OPCML: variants seen among roughly 807,000 people sequenced by gnomAD.
OPCML encodes opioid-binding protein/cell adhesion molecule.
In OPCML, 13 loss-of-function variants were observed where a neutral mutation model predicts 37.8. That is an observed-to-expected ratio of 0.34 (90% CI 0.22 to 0.55). OPCML has a LOEUF of 0.55. Ranked by LOEUF, OPCML falls within the 20% of genes least tolerant of loss-of-function variation. The pLI, the probability that OPCML is intolerant of heterozygous loss-of-function variation, is 0.91. For synonymous variants in OPCML, 176 were observed against 168.8 expected, an observed-to-expected ratio of 1.04 and a Z score of -0.33; for missense variants, 341 against 435.6, an observed-to-expected ratio of 0.78 and a Z score of 1.93.
chr11:133,105,785 A>C (rs1949147149), intron 1 of OPCML, among the ~76,000 whole-genome samples: 1 of 152,142 alleles, frequency 6.6e-6, no homozygotes, highest in African/African-American at 2.4e-5. Flanking sequence ...GTTTGAGAAA[A>C]GGCTGACCAA....
intron 1 of OPCML, among the ~76,000 whole-genome samples, chr11:133,334,794 A>T (rs1048468050): frequency 7.9e-5 from 12 of 152,144 alleles, no homozygotes; most frequent in African/African-American, 2.7e-4. Context: ...TTTGGTGAGG[A>T]TTAACTTGCA....
At chr11:133,074,328 C>G (rs1316642324) in intron 1 of OPCML, among the ~76,000 whole-genome samples, 1 of 152,200 alleles carries the variant, frequency 6.6e-6, no homozygotes. Flanking sequence ...TTCTAAAGTC[C>G]TTCCCAAGTA....
intron 4 of OPCML, among the ~76,000 whole-genome samples, chr11:132,524,523 A>C (rs934323444): frequency 1.3e-5 from 2 of 152,218 alleles, no homozygotes; most frequent in Admixed American, 6.5e-5. Context: ...TTTTGTATCT[A>C]AAGATCAAGA....
chr11:132,840,825 T>C (rs1372968468), intron 2 of OPCML, among the ~76,000 whole-genome samples: 1 of 150,698 alleles, frequency 6.6e-6, no homozygotes, highest in East Asian at 2.0e-4. Context: ...GTTAGAAAAA[T>C]GTTGATGAGG....
chr11:133,042,432 C>T (rs960233286), intron 1 of OPCML, among the ~76,000 whole-genome samples: 4 of 152,218 alleles, frequency 2.6e-5, no homozygotes, highest in African/African-American at 9.6e-5. Flanking sequence ...CGCATCATGA[C>T]CACCACCTTA....
At chr11:133,099,711 G>C (rs1416461874) in intron 1 of OPCML, among the ~76,000 whole-genome samples, 1 of 152,068 alleles carries the variant, frequency 6.6e-6, no homozygotes, top group Non-Finnish European at 1.5e-5. Flanking sequence ...ATGCATGTCT[G>C]TCTTCTTTTG....
At chr11:132,745,678 T>C (rs1945607403) in intron 2 of OPCML, among the ~76,000 whole-genome samples, 1 of 152,126 alleles carries the variant, frequency 6.6e-6, no homozygotes, top group Non-Finnish European at 1.5e-5. Context: ...ACCACTTCCC[T>C]GGCTCTTGGA....
chr11:132,915,816 T>G (rs1944584764), intron 2 of OPCML, among the ~76,000 whole-genome samples: 2 of 152,224 alleles, frequency 1.3e-5, no homozygotes, highest in African/African-American at 4.8e-5. Context: ...TTGAGTAATT[T>G]ATCTTTTTTT....
chr11:132,646,467 G>A (rs950425302), intron 3 of OPCML, among the ~76,000 whole-genome samples: 1 of 152,150 alleles, frequency 6.6e-6, no homozygotes, highest in African/African-American at 2.4e-5. Flanking sequence ...GACATGATCA[G>A]TATCTGCATC....
intron 1 of OPCML, among the ~76,000 whole-genome samples, chr11:133,458,607 GTATA>G (rs1946768854): frequency 1.4e-5 from 1 of 69,926 alleles, no homozygotes; most frequent in Non-Finnish European, 2.4e-5. Flanking sequence ...GTGTGTGTGT[GTATA>G]CACATATATA....
intron 4 of OPCML, among the ~76,000 whole-genome samples, chr11:132,466,931 A>C (rs2096121867): frequency 6.6e-6 from 1 of 152,206 alleles, no homozygotes. Context: ...TTGAAAAAAG[A>C]AGGAAAGAAA....
At chr11:132,809,950 C>A (rs970062861) in intron 2 of OPCML, among the ~76,000 whole-genome samples, 1 of 152,096 alleles carries the variant, frequency 6.6e-6, no homozygotes, top group African/African-American at 2.4e-5. Context: ...CCCGGGTTCA[C>A]GCCATTCTCC....
At chr11:132,480,577 CA>C (rs1462496821) in intron 4 of OPCML, among the ~76,000 whole-genome samples, 3 of 152,150 alleles carry the variant, frequency 2.0e-5, no homozygotes, top group African/African-American at 7.2e-5. Context: ...TCAGATTCAC[CA>C]AAGTTGAAAT....
chr11:133,140,218 A>ATAATAG (rs1237980283), intron 1 of OPCML, among the ~76,000 whole-genome samples: 18 of 144,246 alleles, frequency 1.2e-4, no homozygotes, highest in African/African-American at 4.6e-4. Context: ...AATAATAATA[A>ATAATAG]TAATACTGAT....
At chr11:133,318,200 G>A (rs561098417) in intron 1 of OPCML, among the ~76,000 whole-genome samples, 1 of 152,256 alleles carries the variant, frequency 6.6e-6, no homozygotes, top group African/African-American at 2.4e-5. Flanking sequence ...CACACGTCTG[G>A]GTTAGCAAAG....
chr11:132,505,583 G>A (rs542085192), intron 4 of OPCML, among the ~76,000 whole-genome samples: 3 of 152,156 alleles, frequency 2.0e-5, no homozygotes, highest in Non-Finnish European at 4.4e-5. Context: ...GAACGAAAAC[G>A]TCCAATTAGT....
intron 1 of OPCML, among the ~76,000 whole-genome samples, chr11:133,502,485 T>C (rs972389457): frequency 7.2e-5 from 11 of 152,330 alleles, no homozygotes; most frequent in Non-Finnish European, 1.6e-4. Context: ...GCTGAGGTCA[T>C]GACCAGAGCT....
chr11:133,071,801 C>T (rs879344866), intron 1 of OPCML, among the ~76,000 whole-genome samples: 2 of 152,194 alleles, frequency 1.3e-5, no homozygotes, highest in Non-Finnish European at 2.9e-5. Flanking sequence ...TACAAACATT[C>T]ATTCCAAATT....
At chr11:133,336,894 G>T (rs1252197346) in intron 1 of OPCML, among the ~76,000 whole-genome samples, 1 of 152,200 alleles carries the variant, frequency 6.6e-6, no homozygotes, top group Non-Finnish European at 1.5e-5. Flanking sequence ...CTTCAAGTTA[G>T]CACAGCTATA....
Sources: allele counts gnomAD v4.1 joint callset (sites outside exome capture counted in the v4.1 genomes callset), GRCh38; gene constraint gnomAD v4.1.1; transcripts MANE v1.5; gene names NCBI Gene and HGNC (gene_info 2026-07-23, HGNC 2026-07-21).